Variants in TTC23 observed in about 807,000 individuals in gnomAD.
TTC23 encodes tetratricopeptide repeat protein 23.
TTC23 carries 58 observed loss-of-function variants against 55.1 expected under a neutral mutation model. That is an observed-to-expected ratio of 1.05 (90% CI 0.85 to 1.31). TTC23 has a LOEUF of 1.31. Ranked by LOEUF, TTC23 falls within the 50% of genes most tolerant of loss-of-function variation. TTC23 has a pLI of 0.00. For missense variants in TTC23, 516 were observed against 534.4 expected (o/e 0.97, Z 0.34); for synonymous variants, 203 against 199.9 (o/e 1.02, Z -0.13).
chr15:99,167,627 A>T (rs1417505240), intron 10 of TTC23, among the ~76,000 whole-genome samples: 2 of 152,140 alleles, frequency 1.3e-5, no homozygotes, highest in East Asian at 3.9e-4. Flanking sequence ...GTACGTATAC[A>T]GGCAAAAGAA....
intron 8 of TTC23, among the ~76,000 whole-genome samples, chr15:99,208,558 C>T (rs185190118): frequency 1.1e-4 from 16 of 152,130 alleles, no homozygotes; most frequent in Admixed American, 9.8e-4. Flanking sequence ...CACATCCTAC[C>T]CCTCACCTCC....
chr15:99,160,985 C>A (rs2071291008), intron 11 of TTC23: 1 of 138,546 alleles, frequency 7.2e-6, no homozygotes, highest in African/African-American at 2.8e-5. Flanking sequence ...TGCACTCCAG[C>A]TTGGGTGACA....
chr15:99,246,121 G>A (rs1302362373), intron 1 of TTC23, among the ~76,000 whole-genome samples: 1 of 151,896 alleles, frequency 6.6e-6, no homozygotes, highest in South Asian at 2.1e-4. Context: ...GTTAGGCAAA[G>A]ACTTCTGAGA....
intron 12 of TTC23, 173 bp downstream of exon 12, chr15:99,155,975 T>C: frequency 2.6e-6 from 2 of 757,966 alleles, no homozygotes; most frequent in Non-Finnish European, 4.2e-6. Flanking sequence ...AGAGGCTTAC[T>C]ATGTCTTTTA....
At chr15:99,162,405 TA>T (rs1189981392) in intron 10 of TTC23, among the ~76,000 whole-genome samples, 2 of 152,158 alleles carry the variant, frequency 1.3e-5, no homozygotes, top group African/African-American at 2.4e-5. Flanking sequence ...ATAACACAAA[TA>T]TTTTTAAATG....
At chr15:99,175,219 T>C (rs767116474) in intron 9 of TTC23, 64 bp from the exon 10 acceptor site, 20 of 1,355,470 alleles carry the variant, frequency 1.5e-5, no homozygotes, top group Non-Finnish European at 1.8e-5. Context: ...GGGAATTAAC[T>C]GTCCTTGCAG....
chr15:99,138,169 G>A, intron 13 of TTC23, 42 bp from the exon 14 acceptor site: 2 of 1,606,518 alleles, frequency 1.2e-6, no homozygotes, highest in Non-Finnish European at 1.7e-6. Flanking sequence ...GTGCCCCTCA[G>A]CCCCCCACAC....
At chr15:99,202,980 CT>C (rs1370350417) in intron 8 of TTC23, among the ~76,000 whole-genome samples, 1 of 152,166 alleles carries the variant, frequency 6.6e-6, no homozygotes, top group Non-Finnish European at 1.5e-5. Flanking sequence ...ATAATCATAT[CT>C]TTTACTCTTT....
chr15:99,231,115 G>A (rs2078898036), intron 4 of TTC23, among the ~76,000 whole-genome samples: 1 of 152,218 alleles, frequency 6.6e-6, no homozygotes, highest in South Asian at 2.1e-4. Flanking sequence ...TGGTGGTAAT[G>A]CTGGTGCAAA....
At chr15:99,151,844 C>T (rs1476302153) in intron 12 of TTC23, among the ~76,000 whole-genome samples, 11 of 152,156 alleles carry the variant, frequency 7.2e-5, no homozygotes, top group Admixed American at 3.3e-4. Context: ...GCCAACATGG[C>T]GAAACCATCT....
At position 99,203,704 on chromosome 15, in the gene TTC23, C is replaced by CT. The variant is rs202065357; in HGVS notation, c.582-3609dup. 2.6e-3 allele frequency among the ~76,000 whole-genome samples: 386 copies of CT among 148,900 alleles called. 5 individuals are homozygous for CT. The highest frequency in any genetic ancestry group is 7.9e-3 in the African/African-American group (321 of 40,604). ...AGTTCAATTTTTCTTTTTTTTCTTTCTTTTTTTTTTAAATCTTTTTAGCTC... is the reference window on the plus strand; with the variant it reads ...AGTTCAATTTTTCTTTTTTTTCTTTCTTTTTTTTTTTAAATCTTTTTAGCTC... On this transcript the variant is annotated intron_variant, in intron 8 of 13. Transcript: ENST00000394132.
Position 99,161,176 on chromosome 15 carries a change from A to ATATG in TTC23, c.993+563_993+564insCATA, listed in dbSNP as rs1392165221. 3 of 151,996 alleles carry ATATG rather than the reference A, an allele frequency of 2.0e-5. No homozygotes were observed. The East Asian group carries it at 5.8e-4, about 29-fold the overall frequency. The allele number at this position is 151,996 out of a possible 1,614,324, so 9.4% of individuals were successfully genotyped here. A position where few individuals can be genotyped will look rare whatever the true frequency, so the allele number is the denominator to read the frequency against. On this transcript the variant is annotated intron_variant, in intron 11 of 13. Transcript: ENST00000394132. Reference sequence around the variant, plus strand: ...TCTGTGGGCGATTGTATATATATATATGTATTAATATGTACACACACACAC... The same window carrying ATATG: ...TCTGTGGGCGATTGTATATATATATATATGTGTATTAATATGTACACACACACAC...
At chr15:99,165,825 G>A (rs1434742507) in intron 10 of TTC23, among the ~76,000 whole-genome samples, 2 of 152,182 alleles carry the variant, frequency 1.3e-5, no homozygotes, top group African/African-American at 4.8e-5. Context: ...TGTTGAGGAT[G>A]AAGTGGCATT....
intron 10 of TTC23, among the ~76,000 whole-genome samples, chr15:99,174,509 G>A (rs1401578572): frequency 1.3e-5 from 2 of 151,412 alleles, no homozygotes; most frequent in Non-Finnish European, 2.9e-5. Flanking sequence ...TGCCAACGGA[G>A]GCACATTGTA....
intron 4 of TTC23, among the ~76,000 whole-genome samples, chr15:99,232,352 G>C (rs1032605317): frequency 6.6e-6 from 1 of 151,488 alleles, no homozygotes; most frequent in African/African-American, 2.4e-5. Flanking sequence ...GGTGGCACAT[G>C]CCTGTAATCC....
chr15:99,139,238 C>T, intron 13 of TTC23, 79 bp downstream of exon 13: 3 of 1,551,672 alleles, frequency 1.9e-6, no homozygotes, highest in Non-Finnish European at 2.6e-6. Flanking sequence ...TTACACAGAA[C>T]CTTCTAGAAC....
chr15:99,233,510 T>C (rs1488990838), intron 4 of TTC23, among the ~76,000 whole-genome samples: 6 of 152,150 alleles, frequency 3.9e-5, no homozygotes, highest in East Asian at 1.9e-4. Flanking sequence ...TCACTCAACA[T>C]AGAAAAAGCA....
At chr15:99,179,812 G>A (rs2073947820) in intron 9 of TTC23, among the ~76,000 whole-genome samples, 1 of 147,480 alleles carries the variant, frequency 6.8e-6, no homozygotes, top group African/African-American at 2.7e-5. Flanking sequence ...TGGAACATGA[G>A]GGCTCAGGGT....
chr15:99,181,410 G>A (rs928271321), intron 9 of TTC23, among the ~76,000 whole-genome samples: 1 of 152,148 alleles, frequency 6.6e-6, no homozygotes, highest in Non-Finnish European at 1.5e-5. Context: ...AGAGAAAAGC[G>A]GCAGATGGTG....
Sources: gnomAD v4.1 joint callset for allele counts (sites outside exome capture counted in the v4.1 genomes callset) on GRCh38, gnomAD v4.1.1 for gene constraint, MANE v1.5 for transcripts, NCBI Gene and HGNC (gene_info 2026-07-23, HGNC 2026-07-21) for gene names.